The following TAF1B variants were observed in gnomAD, a reference collection of about 807,000 sequenced individuals.
The protein encoded by TAF1B is TATA-box binding protein associated factor, RNA polymerase I subunit B, also known as TATA box-binding protein-associated factor RNA polymerase I subunit B.
A neutral mutation model predicts 83.9 loss-of-function variants in TAF1B; 61 were observed. The ratio of observed to expected loss-of-function variants is 0.73; its 90% CI spans 0.59 to 0.90. The LOEUF (loss-of-function observed/expected upper bound fraction) is 0.90, where lower values mean the gene tolerates loss of function less well. Ranked by LOEUF, TAF1B falls within the 40% of genes least tolerant of loss-of-function variation. TAF1B has a pLI of 0.00. For missense variants in TAF1B, 625 were observed against 677.0 expected, an observed-to-expected ratio of 0.92 and a Z score of 0.85; for synonymous variants, 221 against 224.6, an observed-to-expected ratio of 0.98 and a Z score of 0.14.
chr2:9,891,386 T>G (rs527290162), intron 8 of TAF1B, among the ~76,000 whole-genome samples: 1 of 152,302 alleles, frequency 6.6e-6, no homozygotes, highest in African/African-American at 2.4e-5. Flanking sequence ...CCCTGTAAGG[T>G]GTAAGAATTT....
chr2:9,905,230 G>A (rs1432111005), intron 9 of TAF1B, among the ~76,000 whole-genome samples: 2 of 152,152 alleles, frequency 1.3e-5, no homozygotes, highest in East Asian at 3.8e-4. Flanking sequence ...TTCTGTTTTG[G>A]TGTGAGGGAT....
chr2:9,898,481 A>G (rs1665085379), intron 8 of TAF1B, among the ~76,000 whole-genome samples: 3 of 152,206 alleles, frequency 2.0e-5, no homozygotes, highest in African/African-American at 7.2e-5. Context: ...CTTATTAAGT[A>G]TGTGTTGTTT....
chr2:9,886,957 C>T (rs1462368917), intron 8 of TAF1B, among the ~76,000 whole-genome samples: 2 of 151,966 alleles, frequency 1.3e-5, no homozygotes, highest in Non-Finnish European at 2.9e-5. Context: ...CCCAGCTACT[C>T]GGGAGGCTGA....
intron 14 of TAF1B, among the ~76,000 whole-genome samples, chr2:9,931,006 T>C (rs1026686412): frequency 6.6e-6 from 1 of 152,200 alleles, no homozygotes; most frequent in African/African-American, 2.4e-5. Context: ...CTATTTTTGC[T>C]TTCTATTTGC....
chr2:9,866,159 A>G (rs1315821818), intron 5 of TAF1B, among the ~76,000 whole-genome samples: 1 of 150,684 alleles, frequency 6.6e-6, no homozygotes, highest in Non-Finnish European at 1.5e-5. Context: ...AACCTACAGA[A>G]TGGGAGAAAA....
At chr2:9,867,475 G>A (rs1375198183) in intron 5 of TAF1B, among the ~76,000 whole-genome samples, 1 of 152,152 alleles carries the variant, frequency 6.6e-6, no homozygotes, top group East Asian at 1.9e-4. Flanking sequence ...ATTCTCTGAG[G>A]TTTTTGTTTG....
intron 7 of TAF1B, among the ~76,000 whole-genome samples, chr2:9,880,416 G>C (rs1274437478): frequency 7.7e-6 from 1 of 129,990 alleles, no homozygotes; most frequent in Non-Finnish European, 1.6e-5. Flanking sequence ...TCAGAACTTT[G>C]AGTAAGCAGC....
chr2:9,875,779 A>G, intron 6 of TAF1B, 86 bp from the exon 7 acceptor site: 1 of 1,407,058 alleles, frequency 7.1e-7, no homozygotes, highest in Non-Finnish European at 9.6e-7. Flanking sequence ...TCAATATTTA[A>G]AATGCCTGTT....
At chr2:9,851,519 A>G in intron 3 of TAF1B, 22 bp from the exon 4 acceptor site, 2 of 1,573,056 alleles carry the variant, frequency 1.3e-6, no homozygotes, top group Admixed American at 1.8e-5. Flanking sequence ...GTATATGCTA[A>G]AACATGCTAT....
intron 8 of TAF1B, among the ~76,000 whole-genome samples, chr2:9,903,186 C>T (rs1324603874): frequency 1.3e-5 from 2 of 152,074 alleles, no homozygotes; most frequent in Non-Finnish European, 2.9e-5. Context: ...CCTGGGTTCA[C>T]GCCATTCTCC....
chr2:9,932,094 C>T (rs1465115783), intron 14 of TAF1B, among the ~76,000 whole-genome samples: 4 of 152,128 alleles, frequency 2.6e-5, no homozygotes, highest in African/African-American at 4.8e-5. Context: ...TTTTAGCTTC[C>T]TTGCGATGGG....
At chr2:9,933,527 T>C (rs563025118) in intron 14 of TAF1B, among the ~76,000 whole-genome samples, 2 of 152,298 alleles carry the variant, frequency 1.3e-5, no homozygotes, top group African/African-American at 4.8e-5. Context: ...TGAAGAAACT[T>C]TGAGCAAAGA....
chr2:9,882,663 A>G (rs1406686299), intron 7 of TAF1B, 43 bp from the exon 8 acceptor site: 3 of 1,322,104 alleles, frequency 2.3e-6, no homozygotes, highest in Non-Finnish European at 2.1e-6. Flanking sequence ...CTGCTATATC[A>G]GTATATAACT....
intron 14 of TAF1B, among the ~76,000 whole-genome samples, chr2:9,932,657 G>A (rs935651817): frequency 5.9e-5 from 9 of 152,152 alleles, no homozygotes; most frequent in African/African-American, 1.4e-4. Flanking sequence ...CAGTCTGTCT[G>A]TTCTCAGAGC....
At chr2:9,854,558 C>G in intron 5 of TAF1B, 137 bp downstream of exon 5, 2 of 635,588 alleles carry the variant, frequency 3.1e-6, no homozygotes, top group Middle Eastern at 3.6e-4. Context: ...GCTTCTGTTA[C>G]AGTCTAGAGG....
chr2:9,888,810 T>G (rs77702138), intron 8 of TAF1B, among the ~76,000 whole-genome samples: 23,638 of 138,820 alleles, frequency 0.17, 3,071 homozygotes, highest in East Asian at 0.3. Context: ...TTTTTTTTTT[T>G]TTTTTTTTTT....
chr2:9,927,912 G>T (rs1341804666), intron 14 of TAF1B, among the ~76,000 whole-genome samples: 1 of 152,124 alleles, frequency 6.6e-6, no homozygotes, highest in East Asian at 1.9e-4. Flanking sequence ...CATTGCTTTT[G>T]GTGTTTTAGT....
chr2:9,868,585 C>T, intron 6 of TAF1B, 156 bp downstream of exon 6: 1 of 1,101,786 alleles, frequency 9.1e-7, no homozygotes. Context: ...ATGGCTAAGA[C>T]AAACTAAGTG....
chr2:9,933,683 T>A, intron 14 of TAF1B, 100 bp from the exon 15 acceptor site: 2 of 971,904 alleles, frequency 2.1e-6, no homozygotes, highest in Non-Finnish European at 3.1e-6. Context: ...AGCCTAACCA[T>A]ATATATTTGC....
Sources: gnomAD v4.1 joint callset for allele counts (sites outside exome capture counted in the v4.1 genomes callset) on GRCh38, gnomAD v4.1.1 for gene constraint, MANE v1.5 for transcripts, NCBI Gene and HGNC (gene_info 2026-07-23, HGNC 2026-07-21) for gene names.